Variants in NEO1 observed in about 807,000 individuals in gnomAD.
NEO1 encodes the protein neogenin.
NEO1 carries 63 observed loss-of-function variants against 159.7 expected under a neutral mutation model. The ratio of observed to expected loss-of-function variants is 0.39; its 90% CI spans 0.32 to 0.49. NEO1 has a LOEUF of 0.49. NEO1 is among the 20% of genes least tolerant of loss of function. The pLI is 0.85. For synonymous variants in NEO1, 633 were observed against 662.0 expected (o/e 0.96, Z 0.67); for missense variants, 1,615 against 1,831.0 (o/e 0.88, Z 2.15).
chr15:73,113,278 G>T (rs2071106556), intron 1 of NEO1, among the ~76,000 whole-genome samples: 1 of 151,788 alleles, frequency 6.6e-6, no homozygotes, highest in South Asian at 2.1e-4. Flanking sequence ...GTGATACTAA[G>T]TGGCCATTAT....
At chr15:73,296,223 T>C (rs986874373) in intron 26 of NEO1, among the ~76,000 whole-genome samples, 4 of 152,146 alleles carry the variant, frequency 2.6e-5, no homozygotes, top group Admixed American at 2.0e-4. Flanking sequence ...ACCTAACATA[T>C]CTGTCAGTAC....
intron 1 of NEO1, among the ~76,000 whole-genome samples, chr15:73,096,998 G>A (rs1231328126): frequency 6.6e-6 from 1 of 152,036 alleles, no homozygotes; most frequent in Admixed American, 6.5e-5. Context: ...GGTAGCATGT[G>A]CCTGTGGTCC....
intron 22 of NEO1, 77 bp downstream of exon 22, chr15:73,278,276 A>G (rs2041510354): frequency 1.5e-6 from 2 of 1,325,264 alleles, no homozygotes; most frequent in South Asian, 1.2e-5. Flanking sequence ...AATGTCCTTT[A>G]TAGCTTGTGT....
At chr15:73,081,208 T>C (rs527537445) in intron 1 of NEO1, among the ~76,000 whole-genome samples, 1 of 152,314 alleles carries the variant, frequency 6.6e-6, no homozygotes, top group Non-Finnish European at 1.5e-5. Flanking sequence ...TATTTTTTTC[T>C]ACCTTTTCAT....
chr15:73,106,341 A>G (rs2070691761), intron 1 of NEO1, among the ~76,000 whole-genome samples: 1 of 152,216 alleles, frequency 6.6e-6, no homozygotes, highest in Non-Finnish European at 1.5e-5. Flanking sequence ...CAAATACATA[A>G]TTTGAAATCT....
chr15:73,177,865 T>C (rs1372833282), intron 6 of NEO1, among the ~76,000 whole-genome samples: 1 of 152,222 alleles, frequency 6.6e-6, no homozygotes, highest in Non-Finnish European at 1.5e-5. Context: ...GACATTCATA[T>C]AGTACTTTTT....
chr15:73,228,352 T>C (rs1003017405), intron 7 of NEO1, among the ~76,000 whole-genome samples: 4 of 152,162 alleles, frequency 2.6e-5, no homozygotes, highest in African/African-American at 9.7e-5. Context: ...TTTCATGTGC[T>C]TATTCTATGT....
At chr15:73,114,521 T>G (rs539765356) in intron 1 of NEO1, among the ~76,000 whole-genome samples, 3 of 152,332 alleles carry the variant, frequency 2.0e-5, no homozygotes, top group Non-Finnish European at 1.5e-5. Flanking sequence ...TTCCTTTGAG[T>G]GTAATTCACT....
At chr15:73,122,003 T>G (rs1170130469) in intron 2 of NEO1, among the ~76,000 whole-genome samples, 1 of 150,506 alleles carries the variant, frequency 6.6e-6, no homozygotes, top group Non-Finnish European at 1.5e-5. Context: ...TGAAGTAATA[T>G]GGATGCTGCA....
chr15:73,065,926 T>C (rs1482712619), intron 1 of NEO1, among the ~76,000 whole-genome samples: 4 of 152,218 alleles, frequency 2.6e-5, no homozygotes, highest in Non-Finnish European at 4.4e-5. Context: ...GTAATAGTCC[T>C]GATAACTTTA....
intron 7 of NEO1, chr15:73,221,624 T>TG (rs1333578677): frequency 6.4e-6 from 1 of 156,574 alleles, no homozygotes; most frequent in African/African-American, 2.4e-5. Context: ...TAAGCAAGCC[T>TG]GGGCAATGGC....
intron 5 of NEO1, among the ~76,000 whole-genome samples, chr15:73,158,208 C>CTTTTTTTTTTTTTT (rs1047852394): frequency 4.8e-5 from 4 of 82,552 alleles, no homozygotes; most frequent in African/African-American, 1.3e-4. Context: ...GAGTGAGACT[C>CTTTTTTTTTTTTTT]TTTTTTTTTT....
intron 1 of NEO1, among the ~76,000 whole-genome samples, chr15:73,106,778 G>C (rs2070716688): frequency 6.6e-6 from 1 of 152,118 alleles, no homozygotes; most frequent in African/African-American, 2.4e-5. Flanking sequence ...ACTAGGGATG[G>C]GGAATTGAAA....
intron 5 of NEO1, among the ~76,000 whole-genome samples, chr15:73,161,146 T>C (rs1382434783): frequency 6.6e-6 from 1 of 152,212 alleles, no homozygotes; most frequent in Non-Finnish European, 1.5e-5. Context: ...CTTTTGTGAC[T>C]TCCGAGTTTG....
chr15:73,302,505 CTGGGGCCAT>C, intron 28 of NEO1, 99 bp from the exon 29 acceptor site: 3 of 964,942 alleles, frequency 3.1e-6, no homozygotes, highest in Non-Finnish European at 4.8e-6. Context: ...AGCCAGTTTT[CTGGGGCCAT>C]TTGACTACTG....
chr15:73,059,143 C>G lies in NEO1; in HGVS notation c.130+6338C>G, dbSNP rs1207140753. ...TTACCAGAAATATTAGATGCTTACT[C>G]TTAGGCTTGGAAGGGATGTAGAGTA... On this transcript the variant is annotated intron_variant, in intron 1 of 28. Transcript: ENST00000261908. 2.6e-5 allele frequency among the ~76,000 whole-genome samples: 4 copies of G among 152,108 alleles called. No individual in the cohort carries two copies. In the South Asian group the frequency reaches 8.3e-4, roughly 31 times the overall value.
At chr15:73,235,799 GA>G (rs1327560266) in intron 7 of NEO1, among the ~76,000 whole-genome samples, 4 of 152,164 alleles carry the variant, frequency 2.6e-5, no homozygotes, top group Admixed American at 2.6e-4. Flanking sequence ...TCCTGCAAAG[GA>G]GCTCTGCAGT....
At chr15:73,298,172 T>C in intron 26 of NEO1, 176 bp from the exon 27 acceptor site, 1 of 716,262 alleles carries the variant, frequency 1.4e-6, no homozygotes, top group Non-Finnish European at 2.2e-6. Context: ...AGTACAAAAT[T>C]GTTCGAGACT....
At chr15:73,065,157 ATTG>A (rs1278839511) in intron 1 of NEO1, among the ~76,000 whole-genome samples, 1 of 151,968 alleles carries the variant, frequency 6.6e-6, no homozygotes, top group African/African-American at 2.4e-5. Context: ...TTATTATGTT[ATTG>A]TTGTGTATTT....
Sources: allele counts gnomAD v4.1 joint callset (sites outside exome capture counted in the v4.1 genomes callset), GRCh38; gene constraint gnomAD v4.1.1; transcripts MANE v1.5; gene names NCBI Gene and HGNC (gene_info 2026-07-23, HGNC 2026-07-21).